The following FIP1L1 variants were observed in gnomAD, a reference collection of about 807,000 sequenced individuals.
The protein encoded by FIP1L1 is factor interacting with PAPOLA and CPSF1.
A neutral mutation model predicts 84.6 loss-of-function variants in FIP1L1; 21 were observed. The ratio of observed to expected loss-of-function variants is 0.25; its 90% confidence interval spans 0.18 to 0.36. FIP1L1 has a LOEUF of 0.36. Ranked by LOEUF, FIP1L1 falls within the 10% of genes least tolerant of loss-of-function variation. The pLI, the probability that FIP1L1 is intolerant of heterozygous loss-of-function variation, is 1.00. For synonymous variants in FIP1L1, 263 were observed against 242.3 expected, an observed-to-expected ratio of 1.09 and a Z score of -0.80; for missense variants, 526 against 751.1, an observed-to-expected ratio of 0.70 and a Z score of 3.50.
At chr4:53,450,687 C>T (rs1373816513) in intron 15 of FIP1L1, among the ~76,000 whole-genome samples, 2 of 152,100 alleles carry the variant, frequency 1.3e-5, no homozygotes, top group African/African-American at 4.8e-5. Context: ...CAAAAAGAAA[C>T]CACTTCTGTA....
chr4:53,381,405 A>G (rs528027832), intron 3 of FIP1L1, among the ~76,000 whole-genome samples: 1 of 152,284 alleles, frequency 6.6e-6, no homozygotes, highest in Non-Finnish European at 1.5e-5. Flanking sequence ...GTTTTGACTA[A>G]AGAAGGGATA....
chr4:53,387,529 A>G (rs773500960), intron 5 of FIP1L1, among the ~76,000 whole-genome samples: 1 of 152,230 alleles, frequency 6.6e-6, no homozygotes, highest in African/African-American at 2.4e-5. Flanking sequence ...ATAGGGATCT[A>G]TTGGACATTA....
At chr4:53,386,503 T>C (rs1450848539) in intron 5 of FIP1L1, among the ~76,000 whole-genome samples, 1 of 152,320 alleles carries the variant, frequency 6.6e-6, no homozygotes, top group Non-Finnish European at 1.5e-5. Context: ...AGTGCTAGAA[T>C]AGAAACATGT....
chr4:53,442,343 G>A, intron 13 of FIP1L1: 1 of 231,036 alleles, frequency 4.3e-6, no homozygotes. Flanking sequence ...TTTTATGTAT[G>A]GAGAAGGTAA....
At chr4:53,409,102 T>C (rs1040550985) in intron 10 of FIP1L1, among the ~76,000 whole-genome samples, 3 of 152,230 alleles carry the variant, frequency 2.0e-5, no homozygotes, top group Admixed American at 6.5e-5. Context: ...TTTTCTGCTC[T>C]GTTTTTTCCC....
At chr4:53,448,005 T>C (rs1774923088) in intron 15 of FIP1L1, among the ~76,000 whole-genome samples, 1 of 152,094 alleles carries the variant, frequency 6.6e-6, no homozygotes, top group Non-Finnish European at 1.5e-5. Flanking sequence ...CCTGTACCAT[T>C]GTTTTTCCTT....
At position 53,460,467 on chromosome 4, in the gene FIP1L1, A is replaced by AAAT. The variant is rs1303647228; in HGVS notation, c.*1020_*1022dup. ...CTAAAAGACAACTATAACTTCTGAA[A>AAAT]AATATTTATTCTTGTTTGATGAAAG... On this transcript the variant is annotated 3_prime_UTR_variant, in exon 18 of 18. Coordinates refer to ENST00000337488, the MANE Select transcript of FIP1L1 (RefSeq NM_030917.4). The AAAT allele has an allele frequency of 5.1e-6, 1 of 194,260 alleles. No individual in the cohort carries two copies. The highest frequency in any genetic ancestry group is 8.3e-5 in the East Asian group (1 of 12,002). The allele number at this position is 194,260 out of a possible 1,614,324, so 12.0% of individuals were successfully genotyped here. A position where few individuals can be genotyped will look rare whatever the true frequency, so the allele number is the denominator to read the frequency against.
intron 10 of FIP1L1, among the ~76,000 whole-genome samples, chr4:53,410,388 C>T (rs1756571590): frequency 6.6e-6 from 1 of 152,200 alleles, no homozygotes; most frequent in African/African-American, 2.4e-5. Flanking sequence ...GATGATTGCT[C>T]TTAGTTGGTC....
At chr4:53,423,631 GCTT>G (rs1763238617) in intron 11 of FIP1L1, among the ~76,000 whole-genome samples, 1 of 152,108 alleles carries the variant, frequency 6.6e-6, no homozygotes, top group South Asian at 2.1e-4. Flanking sequence ...AAAACGGTAA[GCTT>G]AATTTATATG....
intron 13 of FIP1L1, among the ~76,000 whole-genome samples, chr4:53,432,310 A>G (rs1281424048): frequency 2.7e-5 from 4 of 150,526 alleles, no homozygotes; most frequent in African/African-American, 7.3e-5. Flanking sequence ...AGGCAGGAGA[A>G]TCACTTGAAC....
At position 53,377,709 on chromosome 4, in the gene FIP1L1, T is replaced by C. The variant is rs1161518928; in HGVS notation, c.-130T>C. ...GCCGCTGCCGTCGCCTTCCTGGGAT[T>C]GGAGTCTCGAGCTTTCTTCGTTCGT... On this transcript the variant is annotated 5_prime_UTR_variant, in exon 1 of 18. Transcript: ENST00000337488. 2.5e-6 allele frequency: 2 copies of C among 789,420 alleles called. No homozygotes were observed. The highest frequency in any genetic ancestry group is 3.8e-6 in the Non-Finnish European group (2 of 525,070). 48.9% of individuals were successfully genotyped at this position (789,420 alleles called of 1,614,324 possible).
intron 13 of FIP1L1, among the ~76,000 whole-genome samples, chr4:53,436,882 G>A (rs1769457986): frequency 6.6e-6 from 1 of 152,058 alleles, no homozygotes; most frequent in Non-Finnish European, 1.5e-5. Flanking sequence ...ACATTTAAGT[G>A]TATGTGTTAT....
Position 53,459,455 on chromosome 4 carries a change from G to C in FIP1L1, c.*6G>C, listed in dbSNP as rs1306771666. 1 of 1,613,318 alleles carries C rather than the reference G, an allele frequency of 6.2e-7. No homozygotes were observed. ...AAGCTACACCTGCAGAATAGGCATGGTTTTGGCCTTTTGTGTATATTAGTA... is the reference window on the plus strand; with the variant it reads ...AAGCTACACCTGCAGAATAGGCATGCTTTTGGCCTTTTGTGTATATTAGTA... On this transcript the variant is annotated 3_prime_UTR_variant, in exon 18 of 18. Coordinates refer to ENST00000337488, the MANE Select transcript of FIP1L1 (RefSeq NM_030917.4).
chr4:53,390,049 C>T (rs1743350785), intron 6 of FIP1L1, among the ~76,000 whole-genome samples, 176 bp downstream of exon 6: 1 of 152,168 alleles, frequency 6.6e-6, no homozygotes, highest in Non-Finnish European at 1.5e-5. Flanking sequence ...AACCATCCTC[C>T]CACTTCACCT....
chr4:53,431,102 ATTGAG>A (rs1766452650), intron 13 of FIP1L1, among the ~76,000 whole-genome samples: 1 of 152,236 alleles, frequency 6.6e-6, no homozygotes, highest in Non-Finnish European at 1.5e-5. Flanking sequence ...GTGTTTGCTA[ATTGAG>A]TTAACGACAT....
chr4:53,402,669 T>C (rs1194937219), intron 10 of FIP1L1, among the ~76,000 whole-genome samples: 1 of 152,284 alleles, frequency 6.6e-6, no homozygotes, highest in Admixed American at 6.5e-5. Context: ...ACCACTGCAC[T>C]CCAGCCTTGG....
intron 10 of FIP1L1, among the ~76,000 whole-genome samples, chr4:53,404,301 A>G (rs1236725281): frequency 2.7e-5 from 4 of 150,686 alleles, no homozygotes; most frequent in African/African-American, 9.8e-5. Flanking sequence ...GAGAATGATG[A>G]TTTCCAGTTT....
intron 11 of FIP1L1, among the ~76,000 whole-genome samples, chr4:53,415,077 C>T (rs1259191113): frequency 1.3e-5 from 2 of 151,982 alleles, no homozygotes; most frequent in Admixed American, 6.5e-5. Context: ...TAAAACCTAA[C>T]ATTCTGAGCC....
rs189370353 is a variant in FIP1L1 at position 53,408,052 on chromosome 4, T to G, written c.816-6563T>G. ...TCCTGTCATTATGATGTTAGCTGGT[T>G]ATTTTGCTCGTTAGTTGATGCAGTT... On this transcript the variant is annotated intron_variant, in intron 10 of 17. Coordinates refer to ENST00000337488, the MANE Select transcript of FIP1L1 (RefSeq NM_030917.4). 4.9e-3 allele frequency among the ~76,000 whole-genome samples: 747 copies of G among 152,318 alleles called. 2 individuals are homozygous for G. Among genetic ancestry groups the G allele is most frequent in the Non-Finnish European group, 8.1e-3 (548 of 68,032 alleles).
Sources: allele counts gnomAD v4.1 joint callset (sites outside exome capture counted in the v4.1 genomes callset), GRCh38; gene constraint gnomAD v4.1.1; transcripts MANE v1.5; gene names NCBI Gene and HGNC (gene_info 2026-07-23, HGNC 2026-07-21).